The following NFKB1 variants were observed in gnomAD, a reference collection of about 807,000 sequenced individuals.
NFKB1 encodes the protein nuclear factor NF-kappa-B p105 subunit.
NFKB1 carries 9 observed loss-of-function variants against 105.1 expected under a neutral mutation model. The observed-to-expected ratio is 0.09, with a 90% confidence interval of 0.05 to 0.15. The LOEUF (loss-of-function observed/expected upper bound fraction) is 0.15. NFKB1 is among the 10% of genes least tolerant of loss of function. NFKB1 has a pLI of 1.00. For synonymous variants in NFKB1, 440 were observed against 442.2 expected (o/e 1.00, Z 0.06); for missense variants, 830 against 1,203.7 (o/e 0.69, Z 4.59).
chr4:102,544,114 A>G (rs960835336), intron 5 of NFKB1, among the ~76,000 whole-genome samples: 6 of 152,154 alleles, frequency 3.9e-5, no homozygotes, highest in Non-Finnish European at 7.4e-5. Context: ...TTACACATGT[A>G]TGTATGTGCA....
intron 1 of NFKB1, among the ~76,000 whole-genome samples, chr4:102,519,451 ATC>A (rs1206295160): frequency 6.7e-6 from 1 of 150,228 alleles, no homozygotes; most frequent in Admixed American, 6.7e-5. Flanking sequence ...TTCAGGGAGA[ATC>A]TCTTTATTCT....
intron 5 of NFKB1, among the ~76,000 whole-genome samples, chr4:102,563,812 C>G (rs72691887): frequency 0.019 from 2,622 of 139,468 alleles, 40 homozygotes; most frequent in African/African-American, 0.049. Flanking sequence ...TAACTGAAAG[C>G]TTAACTCTTT....
chr4:102,587,166 G>A (rs1725777641), intron 11 of NFKB1, among the ~76,000 whole-genome samples: 1 of 152,196 alleles, frequency 6.6e-6, no homozygotes, highest in Non-Finnish European at 1.5e-5. Context: ...CCGAGAGGCT[G>A]TCCCACCTCT....
At chr4:102,604,153 G>GTGTT (rs1376363682) in intron 16 of NFKB1, among the ~76,000 whole-genome samples, 2 of 152,120 alleles carry the variant, frequency 1.3e-5, no homozygotes, top group African/African-American at 4.8e-5. Flanking sequence ...TGTCACTATT[G>GTGTT]TGTTTATAGG....
At chr4:102,608,774 G>T (rs1479884446) in intron 19 of NFKB1, among the ~76,000 whole-genome samples, 3 of 151,576 alleles carry the variant, frequency 2.0e-5, no homozygotes, top group African/African-American at 7.3e-5. Flanking sequence ...TTGTTAAATA[G>T]AACTTTTTCT....
In NFKB1 at chr4:102,545,482, T is replaced by A. The variant is rs189071043; in HGVS notation, c.258+7526T>A. ...ATCCGCATTTTATAAATGAGGAAAT[T>A]GAAGCCTAGAGAAATTAAGAAGCTT... On this transcript the variant is annotated intron_variant, in intron 5 of 23. Transcript: ENST00000226574. Among the ~76,000 whole-genome samples the A allele has an allele frequency of 2.2e-3, 331 of 152,264 alleles. 5 individuals are homozygous for A. Among genetic ancestry groups the A allele is most frequent in the Non-Finnish European group, 6.3e-4 (43 of 68,012 alleles).
At chr4:102,568,675 A>G (rs781077831) in intron 6 of NFKB1, among the ~76,000 whole-genome samples, 1 of 152,170 alleles carries the variant, frequency 6.6e-6, no homozygotes, top group Non-Finnish European at 1.5e-5. Flanking sequence ...TATGGTGTCT[A>G]TAATTTGGTG....
In NFKB1 at chr4:102,594,888, T is replaced by G. The variant is rs755326277; in HGVS notation, c.1211-4T>G. 7.9e-5 allele frequency: 127 copies of G among 1,604,452 alleles called. No homozygotes were observed. In the South Asian group the frequency reaches 1.4e-3, roughly 18 times the overall value. On this transcript the variant is annotated splice_region_variant and splice_polypyrimidine_tract_variant and intron_variant, in intron 12 of 23. Coordinates refer to ENST00000226574, the MANE Select transcript of NFKB1 (RefSeq NM_003998.4). ...TGTTTCATTTGTTTTACTTGCCGTT[T>G]CAGGGTATAGCTTCCCACACTATGG... is the stretch of plus-strand genomic sequence containing the variant.
intron 1 of NFKB1, among the ~76,000 whole-genome samples, chr4:102,515,002 T>TA (rs1399752695): frequency 6.6e-6 from 1 of 152,084 alleles, no homozygotes; most frequent in Non-Finnish European, 1.5e-5. Context: ...GTACAATTCT[T>TA]ATGAAAAGCG....
chr4:102,577,416 A>T (rs149814671), intron 7 of NFKB1, among the ~76,000 whole-genome samples: 1 of 152,244 alleles, frequency 6.6e-6, no homozygotes, highest in East Asian at 1.9e-4. Flanking sequence ...AGAAATCAAG[A>T]CTTTGTCTAA....
intron 14 of NFKB1, among the ~76,000 whole-genome samples, chr4:102,596,758 T>A (rs1006378770): frequency 1.3e-5 from 2 of 151,890 alleles, no homozygotes; most frequent in South Asian, 4.2e-4. Context: ...TTTGAAGAAG[T>A]AGGATTAGGA....
intron 5 of NFKB1, among the ~76,000 whole-genome samples, chr4:102,566,155 G>A (rs1406723280): frequency 6.6e-6 from 1 of 152,152 alleles, no homozygotes; most frequent in Non-Finnish European, 1.5e-5. Context: ...GAAGAAAGAG[G>A]ATATCTAAGT....
At chr4:102,569,731 TC>T (rs1234818485) in intron 6 of NFKB1, among the ~76,000 whole-genome samples, 1 of 152,136 alleles carries the variant, frequency 6.6e-6, no homozygotes, top group African/African-American at 2.4e-5. Flanking sequence ...TCTTCATCTT[TC>T]CCTCAGTATG....
At chr4:102,574,745 A>G (rs1193716831) in intron 6 of NFKB1, among the ~76,000 whole-genome samples, 1 of 152,126 alleles carries the variant, frequency 6.6e-6, no homozygotes, top group Non-Finnish European at 1.5e-5. Flanking sequence ...TGTATTTTAG[A>G]TATTTAAGGT....
At chr4:102,534,286 A>G (rs1402925206) in intron 4 of NFKB1, among the ~76,000 whole-genome samples, 3 of 152,208 alleles carry the variant, frequency 2.0e-5, no homozygotes, top group African/African-American at 4.8e-5. Flanking sequence ...TTGCACATGT[A>G]GTACCTCTTA....
intron 4 of NFKB1, among the ~76,000 whole-genome samples, chr4:102,537,247 T>G (rs182568760): frequency 2.6e-4 from 40 of 152,286 alleles, no homozygotes; most frequent in African/African-American, 9.4e-4. Flanking sequence ...ATCATTCTGG[T>G]AGGTTAATAT....
chr4:102,609,025 C>T (rs1045825717), intron 19 of NFKB1, among the ~76,000 whole-genome samples: 1 of 151,900 alleles, frequency 6.6e-6, no homozygotes, highest in Admixed American at 6.6e-5. Context: ...TGGTGGCATG[C>T]GCCTATAGTC....
intron 1 of NFKB1, among the ~76,000 whole-genome samples, chr4:102,513,434 T>G (rs1739906877): frequency 6.6e-6 from 1 of 152,222 alleles, no homozygotes; most frequent in Admixed American, 6.5e-5. Context: ...TACAATATAA[T>G]TTTAAAATGC....
chr4:102,615,819 A>G (rs562966420), intron 23 of NFKB1, among the ~76,000 whole-genome samples: 4 of 152,368 alleles, frequency 2.6e-5, no homozygotes, highest in South Asian at 2.1e-4. Flanking sequence ...TGATTAGTGT[A>G]TGTTAGACTT....
Sources: allele counts gnomAD v4.1 joint callset (sites outside exome capture counted in the v4.1 genomes callset), GRCh38; gene constraint gnomAD v4.1.1; transcripts MANE v1.5; gene names NCBI Gene and HGNC (gene_info 2026-07-23, HGNC 2026-07-21).